OSM: variants seen among roughly 807,000 people sequenced by gnomAD.
OSM encodes oncostatin M.
A neutral mutation model predicts 6.3 loss-of-function variants in OSM; 1 was observed. The observed-to-expected ratio is 0.16, with a 90% CI of 0.06 to 0.76. The LOEUF is 0.76. Among genes scored for constraint, OSM ranks in the 30% least tolerant of loss-of-function variants. OSM has a pLI of 0.77. For missense variants in OSM, 324 were observed against 336.9 expected, an observed-to-expected ratio of 0.96 and a Z score of 0.30; for synonymous variants, 135 against 143.4, an observed-to-expected ratio of 0.94 and a Z score of 0.42.
At position 30,266,088 on chromosome 22, in the gene OSM, C is replaced by T. The variant is rs888523713; in HGVS notation, c.34+678G>A. Among the ~76,000 whole-genome samples the T allele has an allele frequency of 1.3e-5, 2 of 152,254 alleles. No homozygotes were observed. The highest frequency in any genetic ancestry group is 2.9e-5 in the Non-Finnish European group (2 of 68,038). ...AGGCTTAGCGACCCCACGGCACCCT[C>T]GCCGCCTCCCCAGGTATCTGCTGCC... On this transcript the variant is annotated intron_variant, in intron 1 of 2. Coordinates refer to ENST00000215781, the MANE Select transcript of OSM (RefSeq NM_020530.6). The surrounding 1 kb of genome is among the most constrained non-coding windows in gnomAD (Gnocchi z 5.0).
At chr22:30,265,528 G>A in intron 1 of OSM, 1 of 484,758 alleles carries the variant, frequency 2.1e-6, no homozygotes, top group Non-Finnish European at 2.8e-6. Flanking sequence ...AGACCACTGG[G>A]CTAAAGACCG....
Position 30,263,945 on chromosome 22 carries a change from G to C in OSM, c.697C>G (p.Arg233Gly). 6.6e-7 allele frequency: 1 copy of C among 1,521,818 alleles called. No homozygotes were observed. The highest frequency in any genetic ancestry group is 1.3e-5 in the South Asian group (1 of 76,158). 94.3% of individuals were successfully genotyped at this position (1,521,818 alleles called of 1,614,324 possible). ...CCTTTCCTGGAGGGTCTGGTCCTGC[G>C]CACCCCCTTCCTCAGGGCCTGGTGG... ...SPHQALRKGV[R>G]RTRPSRKGKR... The change falls in exon 3 of 3, where the codon CGC becomes GGC. Residue 233 changes from arginine (R) to glycine (G), a missense_variant. Coordinates refer to ENST00000215781, the MANE Select transcript of OSM (RefSeq NM_020530.6).
rs1263692692 is a variant in OSM at position 30,266,780 on chromosome 22, T to C, written c.20A>G (p.Gln7Arg). 1 of 1,613,348 alleles carries C rather than the reference T, an allele frequency of 6.2e-7. No individual in the cohort carries two copies. The highest frequency in any genetic ancestry group is 8.5e-7 in the Non-Finnish European group (1 of 1,179,592). ...GAAGTACTTACTGAGCAGCGTCCTC[T>C]GTGTGAGCAGTACCCCCATGCTGGG... MGVLLT[Q>R]RTLLSLVLAL... is the part of the protein sequence containing the mutation. Residue 7 changes from glutamine (Q) to arginine (R), a missense_variant, in exon 1 of 3, where the codon CAG (glutamine) becomes CGG (arginine). Coordinates refer to ENST00000215781, the MANE Select transcript of OSM (RefSeq NM_020530.6). The surrounding 1 kb of genome is among the most constrained non-coding windows in gnomAD (Gnocchi z 5.0).
At position 30,265,156 on chromosome 22, in the gene OSM, A is replaced by C; in HGVS notation, c.35-12T>G. The C allele has an allele frequency of 6.2e-7, 1 of 1,604,998 alleles. No homozygotes were observed. The highest frequency in any genetic ancestry group is 1.1e-5 in the South Asian group (1 of 90,872). ...TGCAAGGACCAGACCTAAGGCAGAG[A>C]AGAGGGGTGTCACCTGACTTGGTGA... On this transcript the variant is annotated splice_polypyrimidine_tract_variant and intron_variant, in intron 1 of 2. Transcript: ENST00000215781.
In OSM at chr22:30,265,118, T is replaced by A; in HGVS notation, c.61A>T (p.Ser21Cys). The A allele has an allele frequency of 6.2e-7, 1 of 1,614,042 alleles. No individual in the cohort carries two copies. The highest frequency in any genetic ancestry group is 8.5e-7 in the Non-Finnish European group (1 of 1,179,936). Residue 21 changes from serine to cysteine, a missense_variant, in exon 2 of 3, where the codon AGC (serine) becomes TGC (cysteine). Ser to Cys is a moderately radical substitution (Grantham distance 112). Coordinates refer to ENST00000215781, the MANE Select transcript of OSM (RefSeq NM_020530.6). ...LSLVLALLFP[S>C]MASMAAIGSC... ...CCTATAGCCGCCATGCTCGCCATGC[T>A]TGGAAACAGGAGTGCAAGGACCAGA...
rs201415774 is a variant in OSM at position 30,263,902 on chromosome 22, C to T, written c.740G>A (p.Arg247Lys). The T allele has an allele frequency of 2.0e-6, 3 of 1,503,040 alleles. No homozygotes were observed. The highest frequency in any genetic ancestry group is 2.7e-5 in the South Asian group (2 of 73,692). 93.1% of individuals were successfully genotyped at this position (1,503,040 alleles called of 1,614,324 possible). A position where few individuals can be genotyped will look rare whatever the true frequency, so the allele number is the denominator to read the frequency against. The change falls in exon 3 of 3, where the codon AGG (arginine) becomes AAG (lysine). Residue 247 changes from arginine (R) to lysine (K), a missense_variant. Physicochemically the swap from Arg to Lys is conservative, Grantham distance 26 (BLOSUM62 2). Transcript: ENST00000215781. Reference protein sequence around the residue: ...PSRKGKRLMTRGQLPR With the variant: ...PSRKGKRLMTKGQLPR ...TCGAGGCTACCGGGGCAGCTGTCCC[C>T]TGGTCATGAGTCTCTTGCCTTTCCT...
rs200546565 is a variant in OSM at position 30,266,829 on chromosome 22, G to T, written c.-30C>A. 1.2e-6 allele frequency: 2 copies of T among 1,608,758 alleles called. No individual in the cohort carries two copies. Among genetic ancestry groups the T allele is most frequent in the East Asian group, 2.3e-5 (1 of 44,410 alleles). On this transcript the variant is annotated 5_prime_UTR_variant, in exon 1 of 3. Transcript: ENST00000215781. The surrounding 1 kb of genome is among the most constrained non-coding windows in gnomAD (Gnocchi z 5.0). ...GGTGCCCGTGCTCCGGCCCGCGCCC[G>T]CTGGGGGTGACACCTCTCGGCTGGG... is the stretch of plus-strand genomic sequence containing the variant.
chr22:30,264,070 C>T lies in OSM; in HGVS notation c.572G>A (p.Gly191Asp). ...ASDAFQRKLEGCRFLHGYHRF... is the reference protein window; with the variant it reads ...ASDAFQRKLEDCRFLHGYHRF... ...ATGGTAGCCATGCAGGAACCTGCAG[C>T]CCTCCAGCTTGCGCTGAAAAGCATC... Residue 191 changes from glycine (G) to aspartate (D), a missense_variant, in exon 3 of 3, where the codon GGC becomes GAC. Gly to Asp is a moderately conservative substitution (Grantham distance 94, BLOSUM62 -1). Coordinates refer to ENST00000215781, the MANE Select transcript of OSM (RefSeq NM_020530.6). 1.9e-6 allele frequency: 3 copies of T among 1,597,982 alleles called. No individual in the cohort carries two copies. The highest frequency in any genetic ancestry group is 1.7e-6 in the Non-Finnish European group (2 of 1,169,552).
In OSM at chr22:30,264,348, G is replaced by T. The variant is rs200419560; in HGVS notation, c.294C>A (p.Thr98=). ...RGLGRRGFLQ[T]LNATLGCVLH... is the part of the protein sequence containing the mutation. ...GGACGCAGCCCAGTGTGGCATTGAG[G>T]GTCTGCAGGAAGCCCCGCCTGCCCA... The change falls in exon 3 of 3, where the codon ACC becomes ACA. Residue 98 remains threonine (T), a synonymous_variant. Coordinates refer to ENST00000215781, the MANE Select transcript of OSM (RefSeq NM_020530.6). 1.2e-6 allele frequency: 2 copies of T among 1,613,794 alleles called. No homozygotes were observed. The highest frequency in any genetic ancestry group is 1.7e-6 in the Non-Finnish European group (2 of 1,180,022).
At chr22:30,265,554 C>G in intron 1 of OSM, 1 of 305,406 alleles carries the variant, frequency 3.3e-6, no homozygotes, top group Non-Finnish European at 5.0e-6. Context: ...TGCCCTAGGA[C>G]CTGCCTTGTC....
intron 1 of OSM, 161 bp from the exon 2 acceptor site, chr22:30,265,305 A>G: frequency 1.0e-6 from 1 of 985,428 alleles, no homozygotes; most frequent in Non-Finnish European, 1.2e-6. Flanking sequence ...GTGTGTGCCC[A>G]GGTGTGCCCA....
rs1929334153 is a variant in OSM at position 30,264,377 on chromosome 22, C to T, written c.265G>A (p.Gly89Arg). Residue 89 changes from glycine to arginine, a missense_variant, in exon 3 of 3, where the codon GGG becomes AGG. Transcript: ENST00000215781. ...GAFPSEETLRGLGRRGFLQTL... is the reference protein window; with the variant it reads ...GAFPSEETLRRLGRRGFLQTL... The stretch of plus-strand genomic sequence containing the variant: ...TGCAGGAAGCCCCGCCTGCCCAGCC[C>T]CCTCAGGGTCTCCTCACTGGGGAAG... The T allele has an allele frequency of 6.2e-7, 1 of 1,614,050 alleles. No homozygotes were observed. Among genetic ancestry groups the T allele is most frequent in the Non-Finnish European group, 8.5e-7 (1 of 1,180,020 alleles).
intron 1 of OSM, chr22:30,265,502 G>A (rs866331952): frequency 4.0e-6 from 3 of 753,162 alleles, no homozygotes; most frequent in Non-Finnish European, 3.4e-6. Context: ...CTGCAAGGTG[G>A]GACTGGCTCC....
rs565740733 is a variant in OSM, at chr22:30,266,578, G to A, written c.34+188C>T. Among the ~76,000 whole-genome samples the A allele has an allele frequency of 6.6e-6, 1 of 152,194 alleles. No individual in the cohort carries two copies. Among genetic ancestry groups the A allele is most frequent in the South Asian group, 2.1e-4 (1 of 4,822 alleles). On this transcript the variant is annotated intron_variant, in intron 1 of 2. Transcript: ENST00000215781. This position sits in a 1 kb window ranked among gnomAD's most constrained non-coding sequence, Gnocchi z 5.0. ...CCAGGGATGCCCCTTCTCTACCTGT[G>A]GAGATGCCAGGTTCTCAGTGGACCA...
At position 30,263,769 on chromosome 22, in the gene OSM, G is replaced by T; in HGVS notation, c.*114C>A. On this transcript the variant is annotated 3_prime_UTR_variant, in exon 3 of 3. Coordinates refer to ENST00000215781, the MANE Select transcript of OSM (RefSeq NM_020530.6). Reference sequence around the variant, plus strand: ...CACCTCTTAAAGTGCACTTCTCAGTGGCTAGTAGCAGAGGGGAACAGGTTT... The same window carrying T: ...CACCTCTTAAAGTGCACTTCTCAGTTGCTAGTAGCAGAGGGGAACAGGTTT... The T allele has an allele frequency of 1.3e-6, 1 of 775,092 alleles. No homozygotes were observed. The highest frequency in any genetic ancestry group is 2.0e-6 in the Non-Finnish European group (1 of 501,112). The allele number at this position is 775,092 out of a possible 1,614,324, so 48.0% of individuals were successfully genotyped here. A position where few individuals can be genotyped will look rare whatever the true frequency, so the allele number is the denominator to read the frequency against.
chr22:30,264,399 G>A lies in OSM; in HGVS notation c.243C>T (p.Phe81=), dbSNP rs969610286. ...REHCRERPGA[F]PSEETLRGLG... ...GCCCCCTCAGGGTCTCCTCACTGGG[G>A]AAGGCCCCGGGGCGCTCCCTGCAGT... The change falls in exon 3 of 3, where the codon TTC becomes TTT. Residue 81 remains phenylalanine, a synonymous_variant. Coordinates refer to ENST00000215781, the MANE Select transcript of OSM (RefSeq NM_020530.6). 1.2e-6 allele frequency: 2 copies of A among 1,613,984 alleles called. No individual in the cohort carries two copies. The highest frequency in any genetic ancestry group is 1.7e-6 in the Non-Finnish European group (2 of 1,180,026).
chr22:30,265,262 G>A (rs1929362482), intron 1 of OSM, 118 bp from the exon 2 acceptor site: 3 of 1,510,952 alleles, frequency 2.0e-6, no homozygotes, highest in South Asian at 2.5e-5. Flanking sequence ...ACTTTGTGTA[G>A]TGGAGGGCGG....
rs1456631970 is a variant in OSM at position 30,266,490 on chromosome 22, C to A, written c.34+276G>T. On this transcript the variant is annotated intron_variant, in intron 1 of 2. Transcript: ENST00000215781. This position sits in a 1 kb window ranked among gnomAD's most constrained non-coding sequence, Gnocchi z 5.0. ...GCCCAGCCTCTTTGCCCATCCTATT[C>A]TCTCACCCCCTGGTTCCCAGAGTTG... Among the ~76,000 whole-genome samples, 2 of 152,176 alleles carry A rather than the reference C, an allele frequency of 1.3e-5. No homozygotes were observed. The highest frequency in any genetic ancestry group is 4.8e-5 in the African/African-American group (2 of 41,434).
Position 30,263,060 on chromosome 22 carries a change from G to A in OSM, c.*823C>T, listed in dbSNP as rs916457744. The A allele has an allele frequency of 1.3e-5, 2 of 152,726 alleles. No homozygotes were observed. Among genetic ancestry groups the A allele is most frequent in the East Asian group, 1.9e-4 (1 of 5,332 alleles). 9.5% of individuals were successfully genotyped at this position (152,726 alleles called of 1,614,324 possible). On this transcript the variant is annotated 3_prime_UTR_variant, in exon 3 of 3. Transcript: ENST00000215781. ...CACCAGGGGGAGCAGCCAGCAGCGA[G>A]GACCCAAGACGGGCTTCCCGGCGCT...
Sources: gnomAD v4.1 joint callset for allele counts (sites outside exome capture counted in the v4.1 genomes callset) on GRCh38, gnomAD v4.1.1 for gene constraint, Gnocchi (gnomAD v3.1) non-coding constraint, MANE v1.5 for transcripts, NCBI Gene and HGNC (gene_info 2026-07-23, HGNC 2026-07-21) for gene names.